The following AMBN variants were observed in gnomAD, a reference collection of about 807,000 sequenced individuals.
AMBN encodes the protein ameloblastin.
A neutral mutation model predicts 48.0 loss-of-function variants in AMBN; 54 were observed. The observed-to-expected ratio is 1.12, with a 90% CI of 0.90 to 1.41. AMBN has a LOEUF of 1.41. AMBN is among the 40% of genes most tolerant of loss of function. AMBN has a pLI of 0.00. For missense variants in AMBN, 571 were observed against 547.3 expected, an observed-to-expected ratio of 1.04 and a Z score of -0.43; for synonymous variants, 186 against 190.0, an observed-to-expected ratio of 0.98 and a Z score of 0.17.
At chr4:70,604,138 C>T (rs1046766243) in intron 12 of AMBN, among the ~76,000 whole-genome samples, 2 of 152,152 alleles carry the variant, frequency 1.3e-5, no homozygotes, top group Non-Finnish European at 2.9e-5. Context: ...TATTCTTGAG[C>T]ATAGAGTTTT....
Position 70,606,257 on chromosome 4 carries a change from G to A in AMBN, c.871G>A (p.Gly291Arg). Residue 291 changes from glycine to arginine, a missense_variant, in exon 13 of 13, where the codon GGA becomes AGA. Coordinates refer to ENST00000322937, the MANE Select transcript of AMBN (RefSeq NM_016519.6). Reference protein sequence around the residue: ...GFGGMRPGFEGMPHNPAMGGD... With the variant: ...GFGGMRPGFERMPHNPAMGGD... Reference sequence around the variant, plus strand: ...TGGAGGCATGAGGCCCGGCTTTGAGGGAATGCCCCACAACCCAGCTATGGG... The same window carrying A: ...TGGAGGCATGAGGCCCGGCTTTGAGAGAATGCCCCACAACCCAGCTATGGG... 1 of 1,614,134 alleles carries A rather than the reference G, an allele frequency of 6.2e-7. No individual in the cohort carries two copies. The highest frequency in any genetic ancestry group is 8.5e-7 in the Non-Finnish European group (1 of 1,180,008).
At chr4:70,595,988 C>T (rs576248341) in intron 2 of AMBN, among the ~76,000 whole-genome samples, 1 of 152,066 alleles carries the variant, frequency 6.6e-6, no homozygotes, top group Non-Finnish European at 1.5e-5. Flanking sequence ...AGACCCCCAT[C>T]TCTATTTTTT....
chr4:70,598,361 G>A lies in AMBN; in HGVS notation c.141G>A (p.Met47Ile). Reference sequence around the variant, plus strand: ...CCACTTTTTTTTCTTGATAGACAATGAGACAGTTGGGAAGTCTGCAGAGAT... The same window carrying A: ...CCACTTTTTTTTCTTGATAGACAATAAGACAGTTGGGAAGTCTGCAGAGAT... ...PGMASLSLET[M>I]RQLGSLQRLN... Residue 47 changes from methionine (M) to isoleucine (I), a missense_variant, in exon 4 of 13, where the codon ATG (methionine) becomes ATA (isoleucine). Met to Ile is a conservative substitution (Grantham distance 10). Coordinates refer to ENST00000322937, the MANE Select transcript of AMBN (RefSeq NM_016519.6). 1 of 1,582,776 alleles carries A rather than the reference G, an allele frequency of 6.3e-7. No individual in the cohort carries two copies. Among genetic ancestry groups the A allele is most frequent in the Non-Finnish European group, 8.6e-7 (1 of 1,164,432 alleles).
intron 2 of AMBN, among the ~76,000 whole-genome samples, chr4:70,595,775 T>A (rs1737371311): frequency 6.6e-6 from 1 of 152,112 alleles, no homozygotes; most frequent in Non-Finnish European, 1.5e-5. Flanking sequence ...TTCCTACTCT[T>A]CCATTCGCCA....
In AMBN at chr4:70,603,268, A is replaced by G. The variant is rs35266919; in HGVS notation, c.657A>G (p.Gln219=). 0.2 allele frequency: 320,114 copies of G among 1,611,996 alleles called. 35,996 individuals carry two copies. The highest frequency in any genetic ancestry group is 0.23 in the Non-Finnish European group (275,496 of 1,178,386). Residue 219 remains glutamine (Q), a synonymous_variant, in exon 10 of 13, where the codon CAA becomes CAG. Coordinates refer to ENST00000322937, the MANE Select transcript of AMBN (RefSeq NM_016519.6). ...TTTTCTACCATTTAAAGATTTTCCAAATAGCCCGTTTGATTTCTCACGGAC... is the reference window on the plus strand; with the variant it reads ...TTTTCTACCATTTAAAGATTTTCCAGATAGCCCGTTTGATTTCTCACGGAC... ...FADPQGSTIF[Q]IARLISHGPM...
At position 70,603,290 on chromosome 4, in the gene AMBN, G is replaced by A. The variant is rs1737567359; in HGVS notation, c.679G>A (p.Gly227Arg). ...IFQIARLISH[G>R]PMPQNKQSPL... ...CCAAATAGCCCGTTTGATTTCTCAC[G>A]GACCAATGCCACAAAATAAACAATC... The change falls in exon 10 of 13, where the codon GGA (glycine) becomes AGA (arginine). Residue 227 changes from glycine to arginine, a missense_variant. Physicochemically the swap from Gly to Arg is moderately radical, Grantham distance 125. Transcript: ENST00000322937. 9 of 1,613,372 alleles carry A rather than the reference G, an allele frequency of 5.6e-6. No individual in the cohort carries two copies. Among genetic ancestry groups the A allele is most frequent in the East Asian group, 4.5e-5 (2 of 44,768 alleles).
rs776661614 is a variant in AMBN, at chr4:70,598,384, G to C, written c.164G>C (p.Arg55Thr). 1.9e-6 allele frequency: 3 copies of C among 1,588,020 alleles called. No individual in the cohort carries two copies. In the East Asian group the frequency reaches 6.9e-5, roughly 37 times the overall value. The change falls in exon 4 of 13, where the codon AGA becomes ACA. Residue 55 changes from arginine (R) to threonine (T), a missense_variant. Arg to Thr is a moderately conservative substitution (Grantham distance 71). Coordinates refer to ENST00000322937, the MANE Select transcript of AMBN (RefSeq NM_016519.6). ...ETMRQLGSLQ[R>T]LNTLSQYSRY... The stretch of plus-strand genomic sequence containing the variant: ...ATGAGACAGTTGGGAAGTCTGCAGA[G>C]ATTAAACACACTTTCTCAGGTAATC...
chr4:70,596,141 T>C (rs2109800141), intron 2 of AMBN, among the ~76,000 whole-genome samples: 1 of 152,080 alleles, frequency 6.6e-6, no homozygotes, highest in African/African-American at 2.4e-5. Context: ...AATACAAAAA[T>C]TAGCCGGGCT....
In AMBN at chr4:70,605,633, A is replaced by AAAG. The variant is rs531330579; in HGVS notation, c.799-551_799-549dup. 3.3e-5 allele frequency among the ~76,000 whole-genome samples: 5 copies of AAAG among 152,276 alleles called. No homozygotes were observed. In the East Asian group the frequency reaches 9.7e-4, roughly 29 times the overall value. Reference sequence around the variant, plus strand: ...TTAAACTTTGTGCTTTAAAAAAATTAAAGTCTTAGCTGGGTGCAGTGTCTC... The same window carrying AAAG: ...TTAAACTTTGTGCTTTAAAAAAATTAAAGAAGTCTTAGCTGGGTGCAGTGTCTC... On this transcript the variant is annotated intron_variant, in intron 12 of 12. Transcript: ENST00000322937.
At chr4:70,599,848 TA>T (rs1287301872) in intron 5 of AMBN, among the ~76,000 whole-genome samples, 1 of 152,192 alleles carries the variant, frequency 6.6e-6, no homozygotes, top group African/African-American at 2.4e-5. Context: ...CATATTTATT[TA>T]AAATAGGAAG....
intron 2 of AMBN, 80 bp downstream of exon 2, chr4:70,593,475 A>T (rs992552026): frequency 1.5e-5 from 18 of 1,184,814 alleles, no homozygotes; most frequent in South Asian, 6.3e-5. Context: ...ATATGGACTG[A>T]GAGTCCACGC....
chr4:70,593,726 G>T (rs1001452441), intron 2 of AMBN, among the ~76,000 whole-genome samples: 1 of 152,072 alleles, frequency 6.6e-6, no homozygotes, highest in African/African-American at 2.4e-5. Flanking sequence ...TTAGCCAGGC[G>T]TGGTGGTGGG....
At chr4:70,600,055 C>A (rs1737482979) in intron 5 of AMBN, among the ~76,000 whole-genome samples, 1 of 152,084 alleles carries the variant, frequency 6.6e-6, no homozygotes, top group Non-Finnish European at 1.5e-5. Context: ...GCCTGTAATC[C>A]CAGCATTTTG....
chr4:70,596,597 G>A (rs113168982), intron 2 of AMBN, among the ~76,000 whole-genome samples: 6,637 of 152,200 alleles, frequency 0.044, 166 homozygotes, highest in Admixed American at 0.061. Context: ...TAGATTTGTC[G>A]AAAGCACATG....
intron 3 of AMBN, 55 bp downstream of exon 3, chr4:70,597,104 A>G: frequency 1.3e-6 from 2 of 1,488,282 alleles, no homozygotes; most frequent in East Asian, 2.3e-5. Context: ...TATTTGTGGT[A>G]CAGGAGAAAT....
At position 70,602,636 on chromosome 4, in the gene AMBN, G is replaced by T. The variant is rs543637559; in HGVS notation, c.544G>T (p.Asp182Tyr). The T allele has an allele frequency of 1.1e-5, 17 of 1,577,824 alleles. No homozygotes were observed. In the Admixed American group the frequency reaches 1.2e-4, roughly 11 times the overall value. ...KPPKPELPGVDFADPQGPSLP... is the reference protein window; with the variant it reads ...KPPKPELPGVYFADPQGPSLP... ...ATCTGTGATATAGCTCCCAGGAGTA[G>T]ATTTTGCTGATCCACAAGGTCCATC... The change falls in exon 7 of 13, where the codon GAT (aspartate) becomes TAT (tyrosine). Residue 182 changes from aspartate to tyrosine, a missense_variant. Asp to Tyr is a radical substitution (Grantham distance 160). Coordinates refer to ENST00000322937, the MANE Select transcript of AMBN (RefSeq NM_016519.6).
chr4:70,592,351 C>A lies in AMBN; in HGVS notation c.-8C>A. ...GGTTGGCATCATCAGGCCCTGAGAG[C>A]ACAGTGCATGTCAGCATCTAAGGTA... On this transcript the variant is annotated 5_prime_UTR_variant, in exon 1 of 13. Coordinates refer to ENST00000322937, the MANE Select transcript of AMBN (RefSeq NM_016519.6). The A allele has an allele frequency of 2.5e-6, 4 of 1,614,020 alleles. No individual in the cohort carries two copies. Among genetic ancestry groups the A allele is most frequent in the Non-Finnish European group, 3.4e-6 (4 of 1,179,918 alleles).
chr4:70,602,032 G>C, intron 6 of AMBN: 1 of 424,474 alleles, frequency 2.4e-6, no homozygotes, highest in East Asian at 6.9e-5. Flanking sequence ...TAACAAGTAG[G>C]ATTTTGCATT....
At position 70,606,457 on chromosome 4, in the gene AMBN, T is replaced by G; in HGVS notation, c.1071T>G (p.Pro357=). The G allele has an allele frequency of 6.2e-7, 1 of 1,613,904 alleles. No individual in the cohort carries two copies. Among genetic ancestry groups the G allele is most frequent in the Non-Finnish European group, 8.5e-7 (1 of 1,179,946 alleles). Residue 357 remains proline, a synonymous_variant, in exon 13 of 13, where the codon CCT becomes CCG. Coordinates refer to ENST00000322937, the MANE Select transcript of AMBN (RefSeq NM_016519.6). The part of the protein sequence containing the change: ...PAPHAGLLAL[P]KDDIPGLPRS... ...CCCACGCAGGGCTCCTTGCTCTCCCTAAGGATGACATTCCCGGCCTGCCAA... is the reference window on the plus strand; with the variant it reads ...CCCACGCAGGGCTCCTTGCTCTCCCGAAGGATGACATTCCCGGCCTGCCAA...
Sources: allele counts gnomAD v4.1 joint callset (sites outside exome capture counted in the v4.1 genomes callset), GRCh38; gene constraint gnomAD v4.1.1; transcripts MANE v1.5; gene names NCBI Gene and HGNC (gene_info 2026-07-23, HGNC 2026-07-21).